CGNL1: variants seen among roughly 807,000 people sequenced by gnomAD.
The protein encoded by CGNL1 is cingulin-like protein 1.
In CGNL1, 132 loss-of-function variants were observed where a neutral mutation model predicts 141.2. The ratio of observed to expected loss-of-function variants is 0.93; its 90% CI spans 0.81 to 1.08. The LOEUF is 1.08. Among genes scored for constraint, CGNL1 ranks in the 50% least tolerant of loss-of-function variants. The probability of loss-of-function intolerance (pLI) is 0.00; values close to 1 mark genes in which losing one functional copy is unlikely to be tolerated. For missense variants in CGNL1, 1,870 were observed against 1,588.6 expected (o/e 1.18, Z -3.01); for synonymous variants, 690 against 622.1 (o/e 1.11, Z -1.63).
At chr15:57,481,173 T>A (rs1444397924) in intron 8 of CGNL1, among the ~76,000 whole-genome samples, 1 of 142,606 alleles carries the variant, frequency 7.0e-6, no homozygotes, top group African/African-American at 2.6e-5. Context: ...TAAAAAAAAA[T>A]ACAGCTAGAT....
intron 8 of CGNL1, among the ~76,000 whole-genome samples, chr15:57,472,596 G>C (rs1233778442): frequency 6.6e-6 from 1 of 152,084 alleles, no homozygotes; most frequent in African/African-American, 2.4e-5. Context: ...GATCTTTGAG[G>C]TCTCTTCCAC....
intron 1 of CGNL1, among the ~76,000 whole-genome samples, chr15:57,388,142 G>T (rs2062503700): frequency 6.6e-6 from 1 of 152,192 alleles, no homozygotes; most frequent in African/African-American, 2.4e-5. Context: ...AAGCATTTAG[G>T]AGAGCAGTGC....
At chr15:57,469,533 A>T (rs1419734278) in intron 8 of CGNL1, among the ~76,000 whole-genome samples, 4 of 151,908 alleles carry the variant, frequency 2.6e-5, no homozygotes, top group Non-Finnish European at 5.9e-5. Flanking sequence ...TGACTTAGTT[A>T]ACAGTCTATT....
intron 8 of CGNL1, among the ~76,000 whole-genome samples, chr15:57,512,887 A>G (rs1173357271): frequency 6.6e-6 from 1 of 151,868 alleles, no homozygotes. Flanking sequence ...ACGGGGGTAA[A>G]TGCATCATCT....
At chr15:57,503,172 G>A (rs2064049758) in intron 8 of CGNL1, among the ~76,000 whole-genome samples, 1 of 152,198 alleles carries the variant, frequency 6.6e-6, no homozygotes, top group African/African-American at 2.4e-5. Flanking sequence ...CCAGGCGGGG[G>A]CTGCCAGGCT....
chr15:57,455,579 A>T (rs919928731), intron 7 of CGNL1, among the ~76,000 whole-genome samples: 2 of 152,198 alleles, frequency 1.3e-5, no homozygotes, highest in African/African-American at 4.8e-5. Flanking sequence ...TTCAAGAGCA[A>T]TCACTTTTGC....
chr15:57,537,442 CT>C lies in CGNL1; in HGVS notation c.3291+5674del, dbSNP rs376987473. Among the ~76,000 whole-genome samples the C allele has an allele frequency of 2.6e-3, 374 of 145,864 alleles. 5 individuals are homozygous for C. The highest frequency in any genetic ancestry group is 0.014 in the Middle Eastern group (4 of 282). The stretch of plus-strand genomic sequence containing the variant: ...AAGATCAGAGGGGGGTTTTCTTCTT[CT>C]TTTTTTTTTTAATTGAAATGCTCCT... On this transcript the variant is annotated intron_variant, in intron 14 of 18. Coordinates refer to ENST00000281282, the MANE Select transcript of CGNL1 (RefSeq NM_032866.5).
intron 7 of CGNL1, among the ~76,000 whole-genome samples, chr15:57,461,133 C>G (rs1465362410): frequency 1.3e-5 from 2 of 152,104 alleles, no homozygotes; most frequent in Non-Finnish European, 2.9e-5. Context: ...TGTGACCTTC[C>G]TCATTAATAC....
intron 1 of CGNL1, among the ~76,000 whole-genome samples, chr15:57,396,537 T>G (rs544026773): frequency 6.6e-6 from 1 of 152,048 alleles, no homozygotes; most frequent in Non-Finnish European, 1.5e-5. Flanking sequence ...CCTCCCAAAG[T>G]GCTGGGATTA....
At chr15:57,404,273 T>C (rs1466818287) in intron 1 of CGNL1, among the ~76,000 whole-genome samples, 4 of 152,054 alleles carry the variant, frequency 2.6e-5, no homozygotes, top group African/African-American at 9.7e-5. Context: ...GGCAAATTTT[T>C]CCCCCTCTTT....
chr15:57,393,000 A>C (rs1243499808), intron 1 of CGNL1, among the ~76,000 whole-genome samples: 2 of 152,158 alleles, frequency 1.3e-5, no homozygotes, highest in Non-Finnish European at 2.9e-5. Context: ...TGAAAGAATT[A>C]TATGTAGTGG....
intron 8 of CGNL1, among the ~76,000 whole-genome samples, chr15:57,506,735 C>T (rs1003548969): frequency 5.9e-5 from 9 of 152,098 alleles, no homozygotes; most frequent in Non-Finnish European, 1.3e-4. Context: ...TGTTGTCTAC[C>T]CAACCTTAAT....
intron 1 of CGNL1, among the ~76,000 whole-genome samples, chr15:57,429,014 T>A (rs1049199763): frequency 3.3e-5 from 5 of 150,052 alleles, no homozygotes; most frequent in Non-Finnish European, 7.4e-5. Context: ...AGAACTAGGC[T>A]CCATCTCAAA....
At chr15:57,524,453 G>C in intron 11 of CGNL1, 128 bp from the exon 12 acceptor site, 2 of 868,264 alleles carry the variant, frequency 2.3e-6, no homozygotes, top group Non-Finnish European at 3.6e-6. Context: ...AGGATCAGGT[G>C]CTGGGCCATC....
At chr15:57,389,291 TCAAAAAA>T (rs759722743) in intron 1 of CGNL1, among the ~76,000 whole-genome samples, 4 of 152,036 alleles carry the variant, frequency 2.6e-5, no homozygotes, top group Admixed American at 6.5e-5. Flanking sequence ...AAACTCCATC[TCAAAAAA>T]CAAAAAACAA....
intron 1 of CGNL1, among the ~76,000 whole-genome samples, chr15:57,397,580 A>G (rs1450774914): frequency 2.0e-5 from 3 of 152,194 alleles, no homozygotes; most frequent in African/African-American, 7.2e-5. Flanking sequence ...ATCACATTAC[A>G]GAAGCCAGAA....
At chr15:57,546,505 C>T (rs1486967770) in intron 18 of CGNL1, among the ~76,000 whole-genome samples, 2 of 152,138 alleles carry the variant, frequency 1.3e-5, no homozygotes. Flanking sequence ...TAAGGGGAAA[C>T]AGAGGCTTAG....
At chr15:57,383,713 C>T (rs1227473774) in intron 1 of CGNL1, among the ~76,000 whole-genome samples, 1 of 151,462 alleles carries the variant, frequency 6.6e-6, no homozygotes, top group African/African-American at 2.4e-5. Flanking sequence ...GCCTCAACCT[C>T]CCAGACTCAG....
intron 14 of CGNL1, among the ~76,000 whole-genome samples, chr15:57,535,084 C>T (rs2032183841): frequency 6.6e-6 from 1 of 152,184 alleles, no homozygotes; most frequent in Non-Finnish European, 1.5e-5. Context: ...CAACTCTCCC[C>T]ACTTCACTGT....
Sources: gnomAD v4.1 joint callset for allele counts (sites outside exome capture counted in the v4.1 genomes callset) on GRCh38, gnomAD v4.1.1 for gene constraint, MANE v1.5 for transcripts, NCBI Gene and HGNC (gene_info 2026-07-23, HGNC 2026-07-21) for gene names.